The following FLAD1 variants were observed in gnomAD, a reference collection of about 807,000 sequenced individuals.
FLAD1 encodes the protein flavin adenine dinucleotide synthetase 1, also known as bifunctional FAD diphosphatase/FAD synthase.
Under a neutral mutation model 55.0 loss-of-function variants are expected in FLAD1, and 35 were observed. The ratio of observed to expected loss-of-function variants is 0.64; its 90% CI spans 0.49 to 0.84. The LOEUF is 0.84. Among genes scored for constraint, FLAD1 ranks in the 40% least tolerant of loss-of-function variants. The pLI is 0.00. For missense variants in FLAD1, 665 were observed against 742.6 expected, an observed-to-expected ratio of 0.90 and a Z score of 1.21; for synonymous variants, 267 against 303.0, an observed-to-expected ratio of 0.88 and a Z score of 1.23.
chr1:154,989,611 C>G lies in FLAD1; in HGVS notation c.1169C>G (p.Ser390Cys). Reference protein sequence around the residue: ...VAGALQTIETSLAQYSLTQLC... With the variant: ...VAGALQTIETCLAQYSLTQLC... ...GGTGCCCTACAGACCATTGAGACCT[C>G]CCTGGCTCAGTACAGCCTCACCCAG... Residue 390 changes from serine to cysteine, a missense_variant, in exon 3 of 7, where the codon TCC becomes TGC. Coordinates refer to ENST00000292180, the MANE Select transcript of FLAD1 (RefSeq NM_025207.5). 6.2e-7 allele frequency: 1 copy of G among 1,604,396 alleles called. No individual in the cohort carries two copies. Among genetic ancestry groups the G allele is most frequent in the South Asian group, 1.1e-5 (1 of 89,862 alleles).
rs898289472 is a variant in FLAD1 at position 154,986,523 on chromosome 1, C to T, written c.373-1582C>T. On this transcript the variant is annotated intron_variant, in intron 1 of 6. Coordinates refer to ENST00000292180, the MANE Select transcript of FLAD1 (RefSeq NM_025207.5). The stretch of plus-strand genomic sequence containing the variant: ...TTTACTAATCTTCACAACAACCCCA[C>T]ACAAAAATCCCACGAAGTTGGCACT... Among the ~76,000 whole-genome samples, 3 of 152,258 alleles carry T rather than the reference C, an allele frequency of 2.0e-5. No homozygotes were observed. The East Asian group carries it at 5.8e-4, about 29-fold the overall frequency.
rs150738412 is a variant in FLAD1 at position 154,988,839 on chromosome 1, C to A, written c.1107C>A (p.Leu369=). The change falls in exon 2 of 7, where the codon CTC becomes CTA. Residue 369 remains leucine (L), a synonymous_variant. Transcript: ENST00000292180. ...AGGCCAGTGAGGCTGTATACAAACT[C>A]GCTGAATCAGGTAGGGACCTTATGG... ...VEQASEAVYK[L]AESGSSLGKK... is the part of the protein sequence containing the mutation. 7 of 1,614,196 alleles carry A rather than the reference C, an allele frequency of 4.3e-6. No homozygotes were observed. Among genetic ancestry groups the A allele is most frequent in the Non-Finnish European group, 5.9e-6 (7 of 1,180,042 alleles).
intron 3 of FLAD1, 135 bp from the exon 4 acceptor site, chr1:154,990,024 A>G (rs1438608909): frequency 2.5e-6 from 2 of 792,964 alleles, no homozygotes; most frequent in Non-Finnish European, 4.3e-6. Context: ...AAGTGGGTCT[A>G]ATGGATGGAA....
rs377493959 is a variant in FLAD1, at chr1:154,988,709, C to A, written c.977C>A (p.Thr326Asn). 146 of 1,614,090 alleles carry A rather than the reference C, an allele frequency of 9.0e-5. No individual in the cohort carries two copies. Among genetic ancestry groups the A allele is most frequent in the Admixed American group, 2.5e-4 (15 of 60,004 alleles). ...WGSNYYQVKLTLDSEEEGPLE... is the reference protein window; with the variant it reads ...WGSNYYQVKLNLDSEEEGPLE... ...AGCAACTACTATCAGGTGAAGCTGACTCTAGACTCAGAGGAAGAAGGACCC... is the reference window on the plus strand; with the variant it reads ...AGCAACTACTATCAGGTGAAGCTGAATCTAGACTCAGAGGAAGAAGGACCC... Residue 326 changes from threonine (T) to asparagine (N), a missense_variant, in exon 2 of 7, where the codon ACT becomes AAT. Transcript: ENST00000292180.
intron 5 of FLAD1, chr1:154,991,225 A>ATATATATATATATATGT (rs61257175): frequency 1.2e-5 from 1 of 83,164 alleles, no homozygotes; most frequent in African/African-American, 5.3e-5. Context: ...AAAAAAAAAA[A>ATATATATATATATATGT]ATATATATAT....
rs146865554 is a variant in FLAD1, at chr1:154,990,202, C to G, written c.1309C>G (p.Arg437Gly). The change falls in exon 4 of 7, where the codon CGC becomes GGC. Residue 437 changes from arginine (R) to glycine (G), a missense_variant. Arg to Gly is a moderately radical substitution (Grantham distance 125). Transcript: ENST00000292180. The part of the protein sequence containing the change: ...VPNPLQILYI[R>G]SISPFPELEQ... ...AAACCCCCTCCAGATCCTGTATATCCGCAGCATCTCCCCTTTCCCTGAGCT... is the reference window on the plus strand; with the variant it reads ...AAACCCCCTCCAGATCCTGTATATCGGCAGCATCTCCCCTTTCCCTGAGCT... The G allele has an allele frequency of 5.0e-6, 8 of 1,614,116 alleles. No homozygotes were observed. Among genetic ancestry groups the G allele is most frequent in the Non-Finnish European group, 5.9e-6 (7 of 1,179,984 alleles).
At chr1:154,984,452 G>A (rs555332049) in intron 1 of FLAD1, among the ~76,000 whole-genome samples, 1 of 152,068 alleles carries the variant, frequency 6.6e-6, no homozygotes, top group Non-Finnish European at 1.5e-5. Context: ...GGTGGCTCAC[G>A]CATGTAATCC....
In FLAD1 at chr1:154,983,513, A is replaced by G. The variant is rs1657417474; in HGVS notation, c.-182A>G. On this transcript the variant is annotated 5_prime_UTR_variant, in exon 1 of 7. Coordinates refer to ENST00000292180, the MANE Select transcript of FLAD1 (RefSeq NM_025207.5). ...GACGGGATTTTGGTCCGGGGTGGAG[A>G]GCGAATGCATTGAAAAGGGCCAAGG... is the stretch of plus-strand genomic sequence containing the variant. The G allele has an allele frequency of 9.0e-6, 5 of 552,730 alleles. No individual in the cohort carries two copies. The highest frequency in any genetic ancestry group is 1.6e-5 in the Non-Finnish European group (5 of 319,606). 34.2% of individuals were successfully genotyped at this position (552,730 alleles called of 1,614,324 possible).
intron 1 of FLAD1, among the ~76,000 whole-genome samples, chr1:154,986,261 G>C (rs995557221): frequency 4.0e-5 from 6 of 151,812 alleles, no homozygotes; most frequent in African/African-American, 1.5e-4. Flanking sequence ...CTGTCACCCA[G>C]GCTGGAGTGC....
At chr1:154,985,716 A>ATT (rs34387427) in intron 1 of FLAD1, among the ~76,000 whole-genome samples, 774 of 75,482 alleles carry the variant, frequency 0.01, 50 homozygotes, top group African/African-American at 0.031. Context: ...CCTGACCCCA[A>ATT]TTTTTTTTTT....
chr1:154,991,694 C>T (rs978725812), intron 5 of FLAD1, among the ~76,000 whole-genome samples: 4 of 152,194 alleles, frequency 2.6e-5, no homozygotes, highest in Admixed American at 2.0e-4. Context: ...CCTGTAACCC[C>T]AGCACTCTGG....
At chr1:154,991,464 A>C (rs1345237117) in intron 5 of FLAD1, among the ~76,000 whole-genome samples, 1 of 151,494 alleles carries the variant, frequency 6.6e-6, no homozygotes, top group African/African-American at 2.4e-5. Context: ...CTGAGGTAGG[A>C]GAATCACTTG....
intron 2 of FLAD1, chr1:154,989,134 G>T: frequency 1.4e-6 from 1 of 691,698 alleles, no homozygotes; most frequent in Non-Finnish European, 2.3e-6. Context: ...CCTGCATGGG[G>T]TGATGAAAGG....
At chr1:154,991,674 G>T (rs1394089987) in intron 5 of FLAD1, among the ~76,000 whole-genome samples, 2 of 152,210 alleles carry the variant, frequency 1.3e-5, no homozygotes, top group Non-Finnish European at 2.9e-5. Context: ...GCCAGGCACA[G>T]TGGCTCACAC....
intron 5 of FLAD1, 82 bp from the exon 6 acceptor site, chr1:154,992,631 G>A (rs1388773511): frequency 6.2e-7 from 1 of 1,614,038 alleles, no homozygotes; most frequent in African/African-American, 1.3e-5. Flanking sequence ...GAAGAGCCAT[G>A]GATGGGCCCC....
chr1:154,984,681 C>CT (rs1316119119), intron 1 of FLAD1, among the ~76,000 whole-genome samples: 7 of 144,236 alleles, frequency 4.9e-5, no homozygotes, highest in African/African-American at 1.8e-4. Context: ...GCACTCCAGC[C>CT]TGGGCAACAA....
intron 2 of FLAD1, among the ~76,000 whole-genome samples, 186 bp from the exon 3 acceptor site, chr1:154,989,366 TGTGGCTGG>T (rs1657762889): frequency 6.6e-6 from 1 of 152,074 alleles, no homozygotes; most frequent in African/African-American, 2.4e-5. Flanking sequence ...TACTGTGAGG[TGTGGCTGG>T]GTGGCAGATG....
At chr1:154,989,007 T>G in intron 2 of FLAD1, 158 bp downstream of exon 2, 2 of 1,466,940 alleles carry the variant, frequency 1.4e-6, no homozygotes, top group Non-Finnish European at 1.8e-6. Flanking sequence ...GTTGATTGAG[T>G]ACCTATTTTC....
Position 154,983,861 on chromosome 1 carries a change from C to G in FLAD1, c.167C>G (p.Pro56Arg). 1 of 1,614,150 alleles carries G rather than the reference C, an allele frequency of 6.2e-7. No individual in the cohort carries two copies. Among genetic ancestry groups the G allele is most frequent in the Non-Finnish European group, 8.5e-7 (1 of 1,179,994 alleles). ...WLLQVPSTQD[P>R]LFPGYGPQCP... ...CTCCAGGTTCCCTCGACCCAGGACC[C>G]CCTGTTCCCAGGCTATGGCCCCCAG... is the stretch of plus-strand genomic sequence containing the variant. Residue 56 changes from proline (P) to arginine (R), a missense_variant, in exon 1 of 7, where the codon CCC (proline) becomes CGC (arginine). Pro to Arg is a moderately radical substitution (Grantham distance 103, BLOSUM62 -2). Transcript: ENST00000292180.
Sources: gnomAD v4.1 joint callset for allele counts (sites outside exome capture counted in the v4.1 genomes callset) on GRCh38, gnomAD v4.1.1 for gene constraint, MANE v1.5 for transcripts, NCBI Gene and HGNC (gene_info 2026-07-23, HGNC 2026-07-21) for gene names.